INPP4B: variants seen among roughly 807,000 people sequenced by gnomAD.
INPP4B encodes the protein inositol polyphosphate 4-phosphatase type II.
INPP4B carries 55 observed loss-of-function variants against 122.5 expected under a neutral mutation model. The ratio of observed to expected loss-of-function variants is 0.45; its 90% confidence interval spans 0.36 to 0.56. The LOEUF (loss-of-function observed/expected upper bound fraction) is 0.56, where lower values mean the gene tolerates loss of function less well. INPP4B is among the 20% of genes least tolerant of loss of function. The pLI, the probability that INPP4B is intolerant of heterozygous loss-of-function variation, is 0.00. For missense variants in INPP4B, 1,000 were observed against 1,097.7 expected (o/e 0.91, Z 1.26); for synonymous variants, 403 against 388.7 (o/e 1.04, Z -0.43).
intron 2 of INPP4B, among the ~76,000 whole-genome samples, chr4:142,655,491 A>G (rs1355355538): frequency 6.6e-6 from 1 of 152,212 alleles, no homozygotes; most frequent in Non-Finnish European, 1.5e-5. Context: ...TGTGAAATGC[A>G]GCTAATTTGT....
At chr4:142,218,313 T>C (rs1256022457) in intron 12 of INPP4B, among the ~76,000 whole-genome samples, 3 of 152,198 alleles carry the variant, frequency 2.0e-5, no homozygotes, top group Admixed American at 2.0e-4. Flanking sequence ...GTTCGACTTG[T>C]CTAAGGGACA....
intron 7 of INPP4B, among the ~76,000 whole-genome samples, chr4:142,395,173 T>A (rs951418447): frequency 9.2e-5 from 14 of 152,132 alleles, no homozygotes; most frequent in Non-Finnish European, 1.8e-4. Flanking sequence ...GACAGGAACA[T>A]GACAGAAAGG....
At chr4:142,456,866 G>A (rs1815557992) in intron 3 of INPP4B, among the ~76,000 whole-genome samples, 2 of 151,932 alleles carry the variant, frequency 1.3e-5, no homozygotes, top group South Asian at 4.1e-4. Flanking sequence ...ATATGGAAAG[G>A]CAAAGAAAGG....
chr4:142,446,409 A>T (rs1812922211), intron 3 of INPP4B, among the ~76,000 whole-genome samples: 1 of 152,162 alleles, frequency 6.6e-6, no homozygotes, highest in East Asian at 1.9e-4. Flanking sequence ...TCAAATATTG[A>T]TGAAGATTTA....
At chr4:142,524,663 A>G (rs1826609901) in intron 2 of INPP4B, among the ~76,000 whole-genome samples, 1 of 152,206 alleles carries the variant, frequency 6.6e-6, no homozygotes, top group Admixed American at 6.5e-5. Context: ...TAGATGCAGA[A>G]AAGGCCTTTG....
At chr4:142,829,474 CCTT>C (rs1781846165) in intron 1 of INPP4B, among the ~76,000 whole-genome samples, 1 of 152,094 alleles carries the variant, frequency 6.6e-6, no homozygotes, top group Admixed American at 6.6e-5. Flanking sequence ...ACAAAGCCTC[CCTT>C]CTTCTTAATT....
chr4:142,372,993 A>C (rs991818914), intron 7 of INPP4B, among the ~76,000 whole-genome samples: 9 of 152,084 alleles, frequency 5.9e-5, no homozygotes, highest in African/African-American at 1.7e-4. Context: ...ACACAGGGGC[A>C]TGTAGTGCAC....
At position 142,649,921 on chromosome 4, in the gene INPP4B, C is replaced by T. The variant is rs570902435; in HGVS notation, c.-191+75918G>A. Among the ~76,000 whole-genome samples, 21 of 152,268 alleles carry T rather than the reference C, an allele frequency of 1.4e-4. No individual in the cohort carries two copies. In the South Asian group the frequency reaches 4.2e-3, roughly 30 times the overall value. On this transcript the variant is annotated intron_variant, in intron 2 of 25. Transcript: ENST00000262992. ...CCTCAAGACACATAATTGTCAGATTCACCAAGGTTGAAATGAAGGAAAAAA... is the reference window on the plus strand; with the variant it reads ...CCTCAAGACACATAATTGTCAGATTTACCAAGGTTGAAATGAAGGAAAAAA...
chr4:142,277,965 C>T (rs1054692709), intron 9 of INPP4B, among the ~76,000 whole-genome samples: 1 of 151,742 alleles, frequency 6.6e-6, no homozygotes, highest in South Asian at 2.1e-4. Flanking sequence ...AGTTGCACTG[C>T]TCGGATGATG....
intron 25 of INPP4B, among the ~76,000 whole-genome samples, chr4:142,054,680 G>T (rs963866726): frequency 1.3e-5 from 2 of 151,780 alleles, no homozygotes; most frequent in Non-Finnish European, 2.9e-5. Context: ...CTGATCAATT[G>T]CTAAGACCAG....
chr4:142,160,462 AGG>A lies in INPP4B; in HGVS notation c.1457_1458del (p.Pro486LeufsTer3). 6.2e-7 allele frequency: 1 copy of A among 1,612,348 alleles called. No individual in the cohort carries two copies. Among genetic ancestry groups the A allele is most frequent in the Non-Finnish European group, 8.5e-7 (1 of 1,179,040 alleles). On this transcript the variant is annotated frameshift_variant, in exon 17 of 26. Transcript: ENST00000262992. LOFTEE classifies it high-confidence loss of function. ...CTCTCCTCTGTGCTGCTCTTAGGAG[AGG>A]GTGGCTTCTTAAGAATGCCTCCTGG... is the stretch of plus-strand genomic sequence containing the variant. ...ARPGGILKKPPSPKSSTEESS... is the reference protein window; with the variant it reads ...ARPGGILKKPXSPKSSTEESS...
chr4:142,492,872 T>C (rs1415893737), intron 2 of INPP4B, among the ~76,000 whole-genome samples: 1 of 152,004 alleles, frequency 6.6e-6, no homozygotes, highest in Non-Finnish European at 1.5e-5. Flanking sequence ...ATGAGGAAAA[T>C]GTCTCAAGGG....
intron 1 of INPP4B, among the ~76,000 whole-genome samples, chr4:142,799,872 A>G (rs555106845): frequency 6.6e-6 from 1 of 152,074 alleles, no homozygotes; most frequent in Non-Finnish European, 1.5e-5. Context: ...TTGTTCTGCA[A>G]TAAGTATTTT....
At chr4:142,178,627 T>A (rs1241665500) in intron 15 of INPP4B, among the ~76,000 whole-genome samples, 7 of 151,700 alleles carry the variant, frequency 4.6e-5, no homozygotes, top group African/African-American at 1.7e-4. Context: ...AAAATAGAGA[T>A]GAGAGATGAT....
At chr4:142,731,055 G>A (rs183889254) in intron 1 of INPP4B, among the ~76,000 whole-genome samples, 177 of 152,082 alleles carry the variant, frequency 1.2e-3, no homozygotes, top group African/African-American at 4.1e-3. Flanking sequence ...ATGCTGGTTT[G>A]CTGCACCTAT....
intron 11 of INPP4B, among the ~76,000 whole-genome samples, chr4:142,252,064 T>G (rs1292795371): frequency 6.6e-6 from 1 of 152,344 alleles, no homozygotes; most frequent in East Asian, 1.9e-4. Flanking sequence ...ATAGGTGATC[T>G]TGAAGACTTC....
intron 7 of INPP4B, among the ~76,000 whole-genome samples, chr4:142,320,009 T>C (rs1401103182): frequency 6.6e-6 from 1 of 152,010 alleles, no homozygotes; most frequent in Non-Finnish European, 1.5e-5. Context: ...TGGAGAAAAA[T>C]GTGCTTCAAA....
At chr4:142,063,227 C>G (rs1034932689) in intron 25 of INPP4B, among the ~76,000 whole-genome samples, 4 of 152,100 alleles carry the variant, frequency 2.6e-5, no homozygotes, top group African/African-American at 7.2e-5. Flanking sequence ...CTGGTGGAAA[C>G]AGTCCACATG....
chr4:142,461,173 CAG>C (rs1429833731), intron 3 of INPP4B, among the ~76,000 whole-genome samples: 4 of 152,104 alleles, frequency 2.6e-5, no homozygotes, highest in Non-Finnish European at 5.9e-5. Flanking sequence ...CCCTGAGTGA[CAG>C]AGTGAGATTC....
Sources: gnomAD v4.1 joint callset for allele counts (sites outside exome capture counted in the v4.1 genomes callset) on GRCh38, gnomAD v4.1.1 for gene constraint, MANE v1.5 for transcripts, NCBI Gene and HGNC (gene_info 2026-07-23, HGNC 2026-07-21) for gene names.